The following CSMD1 variants were observed in gnomAD, a reference collection of about 807,000 sequenced individuals.
CSMD1 encodes the protein CUB and Sushi multiple domains 1.
Under a neutral mutation model 417.5 loss-of-function variants are expected in CSMD1, and 213 were observed. The ratio of observed to expected loss-of-function variants is 0.51; its 90% confidence interval spans 0.46 to 0.57. The LOEUF is 0.57. CSMD1 is among the 20% of genes least tolerant of loss of function. The pLI, the probability that CSMD1 is intolerant of heterozygous loss-of-function variation, is 0.00. For missense variants in CSMD1, 6,923 were observed against 4,529.7 expected (o/e 1.53, Z -15.17); for synonymous variants, 2,862 against 1,736.8 (o/e 1.65, Z -16.11).
chr8:3,536,230 A>T (rs990754709), intron 10 of CSMD1, among the ~76,000 whole-genome samples: 1 of 152,244 alleles, frequency 6.6e-6, no homozygotes, highest in Non-Finnish European at 1.5e-5. Context: ...CGAAGCATCA[A>T]TATTAATTTA....
At chr8:3,075,473 G>C (rs1047755975) in intron 49 of CSMD1, among the ~76,000 whole-genome samples, 7 of 151,194 alleles carry the variant, frequency 4.6e-5, no homozygotes, top group African/African-American at 1.2e-4. Context: ...TAGAGACAGG[G>C]TTTTTCCACG....
intron 2 of CSMD1, among the ~76,000 whole-genome samples, chr8:4,476,649 A>C (rs1800818562): frequency 6.6e-6 from 1 of 152,194 alleles, no homozygotes; most frequent in South Asian, 2.1e-4. Context: ...CTCATAGTCT[A>C]ACACCATCCC....
chr8:4,883,893 T>G (rs1296330603), intron 1 of CSMD1, among the ~76,000 whole-genome samples: 1 of 152,024 alleles, frequency 6.6e-6, no homozygotes, highest in Non-Finnish European at 1.5e-5. Flanking sequence ...TGTCTAACAT[T>G]TTGAGGAACT....
At chr8:3,826,357 T>C (rs4437679) in intron 5 of CSMD1, among the ~76,000 whole-genome samples, 115,615 of 152,036 alleles carry the variant, frequency 0.76, 44,243 homozygotes, top group African/African-American at 0.84. Flanking sequence ...GTTTGAAAAT[T>C]GCCTCTGATG....
intron 1 of CSMD1, among the ~76,000 whole-genome samples, chr8:4,857,476 G>A (rs937886461): frequency 2.8e-4 from 42 of 152,190 alleles, no homozygotes; most frequent in Non-Finnish European, 5.1e-4. Flanking sequence ...ATGAATCCAG[G>A]AGCTCGTTTT....
intron 1 of CSMD1, among the ~76,000 whole-genome samples, chr8:4,867,687 A>T (rs1281320407): frequency 6.6e-6 from 1 of 152,098 alleles, no homozygotes; most frequent in East Asian, 1.9e-4. Context: ...ATATGTTTAG[A>T]ATCCCTTGAT....
At chr8:3,909,518 C>T (rs75570592) in intron 5 of CSMD1, among the ~76,000 whole-genome samples, 1,711 of 152,196 alleles carry the variant, frequency 0.011, 36 homozygotes, top group African/African-American at 0.038. Context: ...GGAATGTTCC[C>T]ACAGCGTGGT....
At chr8:4,851,634 G>C (rs1801488915) in intron 1 of CSMD1, among the ~76,000 whole-genome samples, 1 of 151,850 alleles carries the variant, frequency 6.6e-6, no homozygotes, top group Admixed American at 6.6e-5. Flanking sequence ...ATAATCTATG[G>C]GATTACCTGA....
chr8:4,748,353 T>C (rs1252001007), intron 1 of CSMD1, among the ~76,000 whole-genome samples: 1 of 152,256 alleles, frequency 6.6e-6, no homozygotes, highest in African/African-American at 2.4e-5. Flanking sequence ...GAAATTTGTT[T>C]TCTTAGCATG....
intron 1 of CSMD1, among the ~76,000 whole-genome samples, chr8:4,954,514 C>A (rs1808960890): frequency 6.6e-6 from 1 of 152,092 alleles, no homozygotes; most frequent in Non-Finnish European, 1.5e-5. Context: ...TGCATTCCAC[C>A]TCAATTCATC....
rs369308070 is a variant in CSMD1, at chr8:4,032,105, G to C, written c.416-6C>G. ...ACAAGTGTGGCTAGGTAAAACTATT[G>C]GAAAAAGAAAAGAAAGGAGAAAAAA... On this transcript the variant is annotated splice_polypyrimidine_tract_variant and splice_region_variant and intron_variant, in intron 3 of 69. Coordinates refer to ENST00000635120, the MANE Select transcript of CSMD1 (RefSeq NM_033225.6). The C allele has an allele frequency of 2.8e-5, 44 of 1,580,392 alleles. No homozygotes were observed. Among genetic ancestry groups the C allele is most frequent in the Non-Finnish European group, 3.8e-5 (44 of 1,158,974 alleles).
chr8:4,740,763 T>G (rs1810551491), intron 1 of CSMD1, among the ~76,000 whole-genome samples: 2 of 152,128 alleles, frequency 1.3e-5, no homozygotes, highest in African/African-American at 4.8e-5. Context: ...AAAATAAATG[T>G]TCTACCTCTT....
intron 3 of CSMD1, among the ~76,000 whole-genome samples, chr8:4,051,089 A>T (rs986372253): frequency 6.6e-6 from 1 of 152,090 alleles, no homozygotes; most frequent in African/African-American, 2.4e-5. Flanking sequence ...CCTGAGTTAC[A>T]GCATCTTTAT....
At chr8:4,263,851 T>G (rs17069775) in intron 3 of CSMD1, among the ~76,000 whole-genome samples, 15,316 of 152,220 alleles carry the variant, frequency 0.1, 1,013 homozygotes, top group East Asian at 0.17. Context: ...CTCAAAAACA[T>G]TAACTTATTT....
At chr8:3,535,329 C>T (rs901797640) in intron 10 of CSMD1, among the ~76,000 whole-genome samples, 2 of 152,106 alleles carry the variant, frequency 1.3e-5, no homozygotes, top group Non-Finnish European at 2.9e-5. Flanking sequence ...TTTCTATATA[C>T]CATGCTGAGT....
intron 10 of CSMD1, among the ~76,000 whole-genome samples, chr8:3,534,871 C>T (rs890123692): frequency 6.6e-6 from 1 of 152,222 alleles, no homozygotes; most frequent in East Asian, 1.9e-4. Context: ...CATCAACCAT[C>T]TGGGAGCTAC....
intron 5 of CSMD1, among the ~76,000 whole-genome samples, chr8:3,860,727 G>A (rs933944947): frequency 2.6e-5 from 4 of 152,090 alleles, no homozygotes; most frequent in Admixed American, 6.5e-5. Flanking sequence ...CACGCTAATA[G>A]CAAAGTCCAC....
At chr8:3,491,374 T>C (rs763361327) in intron 11 of CSMD1, among the ~76,000 whole-genome samples, 45 of 152,306 alleles carry the variant, frequency 3.0e-4, no homozygotes, top group Middle Eastern at 6.8e-3. Context: ...CCCAGGATTA[T>C]AGTAAAGATC....
chr8:3,144,570 G>A (rs1585468432), intron 40 of CSMD1, among the ~76,000 whole-genome samples: 1 of 152,066 alleles, frequency 6.6e-6, no homozygotes, highest in South Asian at 2.1e-4. Flanking sequence ...GAAAGGACCT[G>A]TGATGGTCTT....
Sources: allele counts gnomAD v4.1 joint callset (sites outside exome capture counted in the v4.1 genomes callset), GRCh38; gene constraint gnomAD v4.1.1; transcripts MANE v1.5; gene names NCBI Gene and HGNC (gene_info 2026-07-23, HGNC 2026-07-21).